The following TDRD1 variants were observed in gnomAD, a reference collection of about 807,000 sequenced individuals.
The protein encoded by TDRD1 is tudor domain-containing protein 1.
A neutral mutation model predicts 140.6 loss-of-function variants in TDRD1; 37 were observed. The observed-to-expected ratio is 0.26, with a 90% confidence interval of 0.20 to 0.35. TDRD1 has a LOEUF of 0.35. TDRD1 is among the 10% of genes least tolerant of loss of function. The pLI is 1.00. For synonymous variants in TDRD1, 506 were observed against 475.7 expected, an observed-to-expected ratio of 1.06 and a Z score of -0.83; for missense variants, 1,243 against 1,393.0, an observed-to-expected ratio of 0.89 and a Z score of 1.71.
intron 21 of TDRD1, among the ~76,000 whole-genome samples, chr10:114,223,712 G>T (rs1162259060): frequency 1.3e-5 from 2 of 152,056 alleles, no homozygotes; most frequent in African/African-American, 4.8e-5. Flanking sequence ...GCTGAGCTGT[G>T]TAGTGTATTA....
chr10:114,177,859 T>C (rs189714201), upstream of TDRD1, among the ~76,000 whole-genome samples: 7 of 147,580 alleles, frequency 4.7e-5, no homozygotes, highest in African/African-American at 1.8e-4. Context: ...TTTGAGACAG[T>C]CTTGCTCTGT....
intron 11 of TDRD1, among the ~76,000 whole-genome samples, chr10:114,208,278 C>T (rs2035259287): frequency 6.6e-6 from 1 of 152,004 alleles, no homozygotes; most frequent in Admixed American, 6.6e-5. Context: ...GAGAATGGAG[C>T]CTTGAGATAC....
In TDRD1 at chr10:114,227,897, C is replaced by A; in HGVS notation, c.3404-13C>A. On this transcript the variant is annotated splice_polypyrimidine_tract_variant and intron_variant, in intron 23 of 25. Transcript: ENST00000251864. ...ATGTGTTATCTAATGGCTTATTTTT[C>A]TTGTGCTTTTAGAAAAGATGTATAG... 6.2e-7 allele frequency: 1 copy of A among 1,611,042 alleles called. No individual in the cohort carries two copies. Among genetic ancestry groups the A allele is most frequent in the Non-Finnish European group, 8.5e-7 (1 of 1,177,820 alleles).
chr10:114,190,619 T>C (rs1397711294), intron 2 of TDRD1, among the ~76,000 whole-genome samples: 1 of 152,192 alleles, frequency 6.6e-6, no homozygotes, highest in Non-Finnish European at 1.5e-5. Context: ...TCCTGAGTAA[T>C]TGGGATTACA....
intron 1 of TDRD1, among the ~76,000 whole-genome samples, chr10:114,182,558 T>C (rs1321658622): frequency 3.9e-5 from 6 of 152,250 alleles, no homozygotes; most frequent in African/African-American, 1.2e-4. Context: ...TCAGTAAACC[T>C]CATAGCCTGA....
Position 114,228,751 on chromosome 10 carries a change from G to C in TDRD1, c.3538+626G>C. ...TGTCTGGGATCCTTTGTTGTAAGAT[G>C]GTTCTCAGAAATAAATTTTTGATTA... is the stretch of plus-strand genomic sequence containing the variant. On this transcript the variant is annotated intron_variant, in intron 25 of 25. Transcript: ENST00000251864. The C allele has an allele frequency of 3.0e-6, 3 of 985,384 alleles. No individual in the cohort carries two copies. In the South Asian group the frequency reaches 1.4e-4, roughly 46 times the overall value. The allele number at this position is 985,384 out of a possible 1,614,324, so 61.0% of individuals were successfully genotyped here. A position where few individuals can be genotyped will look rare whatever the true frequency, so the allele number is the denominator to read the frequency against.
At chr10:114,197,838 G>A (rs952104609) in intron 3 of TDRD1, among the ~76,000 whole-genome samples, 7 of 151,798 alleles carry the variant, frequency 4.6e-5, no homozygotes, top group East Asian at 3.9e-4. Context: ...TTGTATTTTC[G>A]TAGAGATGGG....
chr10:114,229,986 A>G (rs962418323), intron 25 of TDRD1, among the ~76,000 whole-genome samples: 6 of 151,968 alleles, frequency 3.9e-5, no homozygotes, highest in African/African-American at 1.5e-4. Flanking sequence ...GCCCGCCACC[A>G]CACCCAGCTA....
chr10:114,192,590 G>C (rs990049670), intron 3 of TDRD1, among the ~76,000 whole-genome samples: 1 of 152,078 alleles, frequency 6.6e-6, no homozygotes, highest in African/African-American at 2.4e-5. Flanking sequence ...ACAGGCGTGA[G>C]CCACCAGATA....
intron 11 of TDRD1, among the ~76,000 whole-genome samples, chr10:114,208,107 T>G (rs1000519359): frequency 6.6e-6 from 1 of 152,044 alleles, no homozygotes; most frequent in African/African-American, 2.4e-5. Flanking sequence ...GGAAAAAGCA[T>G]GAGCAGGCCT....
At chr10:114,208,401 C>A (rs1360088837) in intron 11 of TDRD1, among the ~76,000 whole-genome samples, 1 of 152,226 alleles carries the variant, frequency 6.6e-6, no homozygotes, top group East Asian at 1.9e-4. Context: ...AAACCACCTT[C>A]TTAAAAATTT....
At chr10:114,200,392 T>TG (rs2034649805) in intron 4 of TDRD1, among the ~76,000 whole-genome samples, 1 of 152,012 alleles carries the variant, frequency 6.6e-6, no homozygotes, top group African/African-American at 2.4e-5. Context: ...TTGTTGTTGT[T>TG]TTTTAGATAA....
chr10:114,222,819 A>G, intron 21 of TDRD1, 116 bp downstream of exon 21: 1 of 599,110 alleles, frequency 1.7e-6, no homozygotes, highest in Non-Finnish European at 3.0e-6. Context: ...TAGGGAGAGA[A>G]ATTAAGGAAG....
chr10:114,202,209 A>C lies in TDRD1; in HGVS notation c.636-29A>C, dbSNP rs544569502. 7 of 1,572,268 alleles carry C rather than the reference A, an allele frequency of 4.5e-6. No individual in the cohort carries two copies. The African/African-American group carries it at 9.5e-5, about 21-fold the overall frequency. On this transcript the variant is annotated intron_variant, in intron 5 of 25. Transcript: ENST00000251864. ...CCTATGTTAATTGCCTCTGTAGTAT[A>C]AATATTGTAATCTGTTGCTTTATTG... is the stretch of plus-strand genomic sequence containing the variant.
chr10:114,223,367 G>A (rs978304595), intron 21 of TDRD1, among the ~76,000 whole-genome samples: 5 of 152,196 alleles, frequency 3.3e-5, no homozygotes, highest in South Asian at 2.1e-4. Flanking sequence ...CTGGGAACAA[G>A]GTCTTGAAAG....
intron 25 of TDRD1, chr10:114,231,440 GT>G (rs1480243969): frequency 2.0e-6 from 3 of 1,511,602 alleles, no homozygotes; most frequent in Admixed American, 1.9e-5. Context: ...TAGCAATTGA[GT>G]TTTTGTGTAA....
At chr10:114,194,167 T>C (rs562628653) in intron 3 of TDRD1, among the ~76,000 whole-genome samples, 2 of 152,346 alleles carry the variant, frequency 1.3e-5, no homozygotes, top group African/African-American at 4.8e-5. Flanking sequence ...TCTTTTATAC[T>C]GTCTTTGTGT....
chr10:114,221,458 C>G lies in TDRD1; in HGVS notation c.2872C>G (p.Leu958Val). The G allele has an allele frequency of 2.5e-6, 4 of 1,613,098 alleles. No individual in the cohort carries two copies. In the South Asian group the frequency reaches 4.4e-5, roughly 18 times the overall value. The change falls in exon 20 of 26, where the codon CTA (leucine) becomes GTA (valine). Residue 958 changes from leucine (L) to valine (V), a missense_variant. By Grantham distance (32) the Leu-to-Val change is conservative (BLOSUM62 1). Around this residue, in one of 5 missense-constraint regions of TDRD1, gnomAD observed 601 missense variants for 734.7 expected, o/e 0.82. Transcript: ENST00000251864. Reference sequence around the variant, plus strand: ...CATAAGCCCAAACTTGTTTTATGCTCTACCAAAAGGGATGCCAGGTAAGAA... The same window carrying G: ...CATAAGCCCAAACTTGTTTTATGCTGTACCAAAAGGGATGCCAGGTAAGAA...
chr10:114,176,520 G>GT (rs1434644657), upstream of TDRD1, among the ~76,000 whole-genome samples: 4 of 152,152 alleles, frequency 2.6e-5, no homozygotes, highest in African/African-American at 9.7e-5. This position sits in a 1 kb window ranked among gnomAD's most constrained non-coding sequence, Gnocchi z 4.2. Flanking sequence ...GAGCTCAGGA[G>GT]TTTGAGACCA....
Sources: allele counts gnomAD v4.1 joint callset (sites outside exome capture counted in the v4.1 genomes callset), GRCh38; gene constraint gnomAD v4.1.1; regional missense constraint gnomAD v4.1.1; non-coding constraint Gnocchi (gnomAD v3.1); transcripts MANE v1.5; gene names NCBI Gene and HGNC (gene_info 2026-07-23, HGNC 2026-07-21).